Variants in CYP2A6 observed in about 807,000 individuals in gnomAD.
The protein encoded by CYP2A6 is cytochrome P450 2A6.
In CYP2A6, 27 loss-of-function variants were observed where a neutral mutation model predicts 42.3. That is an observed-to-expected ratio of 0.64 (90% CI 0.47 to 0.88). CYP2A6 has a LOEUF of 0.88. Ranked by LOEUF, CYP2A6 falls within the 40% of genes least tolerant of loss-of-function variation. CYP2A6 has a pLI of 0.00. For synonymous variants in CYP2A6, 238 were observed against 246.3 expected (o/e 0.97, Z 0.31); for missense variants, 628 against 646.0 (o/e 0.97, Z 0.30).
In CYP2A6 at chr19:40,845,447, G is replaced by A. The variant is rs1178152320; in HGVS notation, c.1008C>T (p.Gly336=). 6.2e-7 allele frequency: 1 copy of A among 1,611,838 alleles called. No individual in the cohort carries two copies. The highest frequency in any genetic ancestry group is 8.5e-7 in the Non-Finnish European group (1 of 1,179,912). ...CCTCAAACTTGGGCTGCCGGTTCTT[G>A]CCGATCACTCTGTCAATCTCCTCAT... ...KVHEEIDRVI[G]KNRQPKFEDR... is the part of the protein sequence containing the mutation. The change falls in exon 7 of 9, where the codon GGC becomes GGT. Residue 336 remains glycine, a synonymous_variant. Transcript: ENST00000301141.
intron 4 of CYP2A6, among the ~76,000 whole-genome samples, chr19:40,847,501 A>C: frequency 6.6e-6 from 1 of 151,440 alleles, no homozygotes; most frequent in Non-Finnish European, 1.5e-5. Flanking sequence ...GCTTTTGTTC[A>C]GGTGCTCAGG....
chr19:40,848,987 G>GAA (rs1555783036), intron 2 of CYP2A6, among the ~76,000 whole-genome samples: 33 of 90,056 alleles, frequency 3.7e-4, no homozygotes, highest in African/African-American at 1.5e-3. Context: ...AAGAGAGAGA[G>GAA]GAGAGAGAGA....
rs1403559217 is a variant in CYP2A6 at position 40,850,224 on chromosome 19, C to T, written c.180+23G>A. 3.1e-6 allele frequency: 5 copies of T among 1,600,010 alleles called. 1 individual carries two copies. In the South Asian group the frequency reaches 4.5e-5, roughly 14 times the overall value. On this transcript the variant is annotated intron_variant, in intron 1 of 8. Transcript: ENST00000301141. The stretch of plus-strand genomic sequence containing the variant: ...ACTAGGCAGCCCCCACCCCGTGCCA[C>T]CCATCTCCCTGCCTTGGGACACCTT...
Position 40,850,318 on chromosome 19 carries a change from G to T in CYP2A6, c.109C>A (p.Pro37Thr), listed in dbSNP as rs766052140. The T allele has an allele frequency of 1.9e-6, 3 of 1,609,916 alleles. No homozygotes were observed. The African/African-American group carries it at 4.0e-5, about 22-fold the overall frequency. ...RKSKGKLPPG[P>T]TPLPFIGNYL... ...TTTCCAATGAAGGGCAATGGGGTGGGTCCCGGAGGCAGCTTCCCCTTGCTC... is the reference window on the plus strand; with the variant it reads ...TTTCCAATGAAGGGCAATGGGGTGGTTCCCGGAGGCAGCTTCCCCTTGCTC... Residue 37 changes from proline (P) to threonine (T), a missense_variant, in exon 1 of 9, where the codon CCC (proline) becomes ACC (threonine). Pro to Thr is a conservative substitution (Grantham distance 38, BLOSUM62 -1). Transcript: ENST00000301141.
At position 40,848,605 on chromosome 19, in the gene CYP2A6, C is replaced by T. The variant is rs1237185627; in HGVS notation, c.493+9G>A. The T allele has an allele frequency of 6.2e-7, 1 of 1,610,466 alleles. No homozygotes were observed. Among genetic ancestry groups the T allele is most frequent in the Non-Finnish European group, 8.5e-7 (1 of 1,178,942 alleles). The stretch of plus-strand genomic sequence containing the variant: ...TCTCCTGCCCCCGCACTCGGGGTCC[C>T]CTGCTCACCGCCAGTGCCCCGGAGG... On this transcript the variant is annotated intron_variant, in intron 3 of 8. Transcript: ENST00000301141.
intron 5 of CYP2A6, 97 bp downstream of exon 5, chr19:40,846,778 T>C: frequency 6.6e-7 from 1 of 1,510,170 alleles, no homozygotes; most frequent in Non-Finnish European, 8.9e-7. Context: ...TGATGAGGGT[T>C]AATTTGAATG....
Position 40,849,851 on chromosome 19 carries a change from G to T in CYP2A6, c.310C>A (p.Gln104Lys). 1.2e-6 allele frequency: 2 copies of T among 1,611,204 alleles called. No homozygotes were observed. Among genetic ancestry groups the T allele is most frequent in the East Asian group, 2.3e-5 (1 of 43,394 alleles). ...TTGAAGACCCAGTCGAAGGTGGCTTGCTCGCCTCGCCCGCTGAACTCCTCA... is the reference window on the plus strand; with the variant it reads ...TTGAAGACCCAGTCGAAGGTGGCTTTCTCGCCTCGCCCGCTGAACTCCTCA... Reference protein sequence around the residue: ...QAEEFSGRGEQATFDWVFKGY... With the variant: ...QAEEFSGRGEKATFDWVFKGY... The change falls in exon 2 of 9, where the codon CAA becomes AAA. Residue 104 changes from glutamine to lysine, a missense_variant. Physicochemically the swap from Gln to Lys is moderately conservative, Grantham distance 53. This residue lies in a region of CYP2A6 where 606 missense variants were observed against 568.1 expected (regional missense o/e 1.07). Coordinates refer to ENST00000301141, the MANE Select transcript of CYP2A6 (RefSeq NM_000762.6).
intron 2 of CYP2A6, among the ~76,000 whole-genome samples, 178 bp downstream of exon 2, chr19:40,849,640 G>C (rs200286291): frequency 6.6e-6 from 1 of 151,382 alleles, no homozygotes; most frequent in Non-Finnish European, 1.5e-5. Flanking sequence ...GGACAGGGAC[G>C]CTGGAGACAG....
intron 2 of CYP2A6, among the ~76,000 whole-genome samples, 166 bp downstream of exon 2, chr19:40,849,652 T>A (rs1599780691): frequency 6.6e-6 from 1 of 150,512 alleles, no homozygotes. Context: ...TGGAGACAGG[T>A]GAGGGATACA....
At position 40,846,085 on chromosome 19, in the gene CYP2A6, G is replaced by T; in HGVS notation, c.844C>A (p.Pro282Thr). ...LIRMQEEEKN[P>T]NTEFYLKNLV... ...TTTTTCAAGTAGAACTCCGTGTTGG[G>T]GTTCTTCTCCTCCTGCAGGGAGAGG... The change falls in exon 6 of 9, where the codon CCC becomes ACC. Residue 282 changes from proline to threonine, a missense_variant. Physicochemically the swap from Pro to Thr is conservative, Grantham distance 38. This residue lies in a region of CYP2A6 where 606 missense variants were observed against 568.1 expected (regional missense o/e 1.07). Coordinates refer to ENST00000301141, the MANE Select transcript of CYP2A6 (RefSeq NM_000762.6). The T allele has an allele frequency of 6.2e-7, 1 of 1,611,534 alleles. No individual in the cohort carries two copies.
chr19:40,845,229 G>C (rs775124075), intron 7 of CYP2A6, 65 bp downstream of exon 7: 13 of 1,597,460 alleles, frequency 8.1e-6, no homozygotes, highest in Middle Eastern at 3.3e-4. Context: ...AATGTGGGTG[G>C]GATGCTGGGG....
rs1967139489 is a variant in CYP2A6 at position 40,848,507 on chromosome 19, CG to C, written c.493+106del. The C allele has an allele frequency of 4.4e-6, 7 of 1,576,110 alleles. No homozygotes were observed. The East Asian group carries it at 1.6e-4, about 37-fold the overall frequency. ...GCGCCAGACTCCAGGGCTGGAAGTGCGGGCGCCTTTCCCCACCTAGTCCCCA... is the reference window on the plus strand; with the variant it reads ...GCGCCAGACTCCAGGGCTGGAAGTGCGGCGCCTTTCCCCACCTAGTCCCCA... On this transcript the variant is annotated intron_variant, in intron 3 of 8. Transcript: ENST00000301141.
intron 5 of CYP2A6, 135 bp downstream of exon 5, chr19:40,846,740 G>A (rs918140930): frequency 1.7e-5 from 23 of 1,359,068 alleles, no homozygotes; most frequent in Middle Eastern, 2.5e-4. Context: ...TGTTAGCCAC[G>A]GCACCCAGCC....
intron 7 of CYP2A6, 162 bp from the exon 8 acceptor site, chr19:40,844,934 AC>A: frequency 3.2e-6 from 3 of 926,432 alleles, no homozygotes; most frequent in African/African-American, 1.7e-5. Context: ...TAGAAGGTTC[AC>A]ATCTCTGAAA....
At position 40,845,901 on chromosome 19, in the gene CYP2A6, G is replaced by A. The variant is rs1221591899; in HGVS notation, c.973+55C>T. 21 of 1,590,600 alleles carry A rather than the reference G, an allele frequency of 1.3e-5. No individual in the cohort carries two copies. The South Asian group carries it at 1.7e-4, about 13-fold the overall frequency. ...GACAGGTGGGGACATTGCACCAGTC[G>A]AAGGGGAATTTTGAGGGTCTGGGGC... On this transcript the variant is annotated intron_variant, in intron 6 of 8. Transcript: ENST00000301141.
In CYP2A6 at chr19:40,845,478, T is replaced by C. The variant is rs745702537; in HGVS notation, c.977A>G (p.Lys326Arg). ...CACTCTGTCAATCTCCTCATGGACC[T>C]TGGCTGGGGGAGGAGGGGGAATGTG... Reference protein sequence around the residue: ...LLMKHPEVEAKVHEEIDRVIG... With the variant: ...LLMKHPEVEARVHEEIDRVIG... Residue 326 changes from lysine to arginine, a missense_variant, in exon 7 of 9, where the codon AAG (lysine) becomes AGG (arginine). Lys to Arg is a conservative substitution (Grantham distance 26). Transcript: ENST00000301141. 3 of 1,611,192 alleles carry C rather than the reference T, an allele frequency of 1.9e-6. No individual in the cohort carries two copies. Among genetic ancestry groups the C allele is most frequent in the Non-Finnish European group, 2.5e-6 (3 of 1,179,598 alleles).
chr19:40,848,151 G>A, intron 4 of CYP2A6, 68 bp downstream of exon 4: 1 of 1,592,058 alleles, frequency 6.3e-7, no homozygotes, highest in Non-Finnish European at 8.6e-7. Context: ...TGGGGCACCT[G>A]TCTCCAGGTA....
chr19:40,844,802 G>C (rs915575526), intron 7 of CYP2A6, 30 bp from the exon 8 acceptor site: 1 of 1,597,690 alleles, frequency 6.3e-7, no homozygotes, highest in Admixed American at 1.7e-5. Flanking sequence ...TGTGTGTGAT[G>C]AGGAGGGTCG....
intron 2 of CYP2A6, among the ~76,000 whole-genome samples, chr19:40,849,156 A>G (rs1021777563): frequency 2.7e-5 from 4 of 150,624 alleles, no homozygotes; most frequent in Non-Finnish European, 5.9e-5. Flanking sequence ...GCACATAGAA[A>G]CAGAGGGATA....
Sources: allele counts gnomAD v4.1 joint callset (sites outside exome capture counted in the v4.1 genomes callset), GRCh38; gene constraint gnomAD v4.1.1; regional missense constraint gnomAD v4.1.1; transcripts MANE v1.5; gene names NCBI Gene and HGNC (gene_info 2026-07-23, HGNC 2026-07-21).